POFUT2: variants seen among roughly 807,000 people sequenced by gnomAD.
The protein encoded by POFUT2 is protein O-fucosyltransferase 2.
Under a neutral mutation model 55.0 loss-of-function variants are expected in POFUT2, and 30 were observed. That is an observed-to-expected ratio of 0.55 (90% CI 0.41 to 0.74). The LOEUF (loss-of-function observed/expected upper bound fraction) is 0.74, where lower values mean the gene tolerates loss of function less well. Ranked by LOEUF, POFUT2 falls within the 30% of genes least tolerant of loss-of-function variation. The pLI is 0.00. For synonymous variants in POFUT2, 267 were observed against 231.1 expected (o/e 1.16, Z -1.41); for missense variants, 524 against 562.6 (o/e 0.93, Z 0.69).
In POFUT2 at chr21:45,265,646, T is replaced by A; in HGVS notation, c.1137-11A>T. On this transcript the variant is annotated splice_polypyrimidine_tract_variant and intron_variant, in intron 8 of 8. Transcript: ENST00000349485. The surrounding 1 kb of genome is among the most constrained non-coding windows in gnomAD (Gnocchi z 4.6). ...GTGCCAATAAAAAACCTGCAAAGGA[T>A]CACAGAGGTTCCAGAGTCAGGGAGA... 1.3e-6 allele frequency: 1 copy of A among 786,616 alleles called. No individual in the cohort carries two copies. Among genetic ancestry groups the A allele is most frequent in the Non-Finnish European group, 1.7e-6 (1 of 587,984 alleles). The allele number at this position is 786,616 out of a possible 1,614,324, so 48.7% of individuals were successfully genotyped here.
intron 6 of POFUT2, among the ~76,000 whole-genome samples, chr21:45,273,117 A>AAGAT (rs1379883716): frequency 6.6e-6 from 1 of 152,238 alleles, no homozygotes; most frequent in Non-Finnish European, 1.5e-5. Context: ...GTTCTCTGAA[A>AAGAT]AGATAAACAA....
rs558915818 is a variant in POFUT2 at position 45,270,731 on chromosome 21, C to T, written c.832-712G>A. Among the ~76,000 whole-genome samples the T allele has an allele frequency of 1.4e-4, 21 of 152,222 alleles. No homozygotes were observed. The highest frequency in any genetic ancestry group is 3.2e-3 in the Middle Eastern group (1 of 316). On this transcript the variant is annotated intron_variant, in intron 6 of 8. Transcript: ENST00000349485. The surrounding 1 kb of genome is among the most constrained non-coding windows in gnomAD (Gnocchi z 4.6). ...AGACGGATCACAGCACAGGACTCTC[C>T]GCAGACATTCCCCAGCAGCATCCCA...
At chr21:45,273,213 C>T (rs4819051) in intron 6 of POFUT2, among the ~76,000 whole-genome samples, 45,158 of 151,954 alleles carry the variant, frequency 0.3, 6,914 homozygotes, top group East Asian at 0.44. Flanking sequence ...ATATTACAGT[C>T]GATACCATAG....
Position 45,280,877 on chromosome 21 carries a change from G to A in POFUT2, c.638+1472C>T, listed in dbSNP as rs909485458. 9.2e-5 allele frequency among the ~76,000 whole-genome samples: 14 copies of A among 152,208 alleles called. 1 individual carries two copies. The highest frequency in any genetic ancestry group is 3.4e-4 in the African/African-American group (14 of 41,452). ...CCAGAGAGTCCTTAGTTTATCAAAT[G>A]TGCTGCAGGACCTCCCTCTCTGAGG... is the stretch of plus-strand genomic sequence containing the variant. On this transcript the variant is annotated intron_variant, in intron 4 of 8. Transcript: ENST00000349485.
At position 45,270,115 on chromosome 21, in the gene POFUT2, T is replaced by C. The variant is rs2093205942; in HGVS notation, c.832-96A>G. On this transcript the variant is annotated intron_variant, in intron 6 of 8. Coordinates refer to ENST00000349485, the MANE Select transcript of POFUT2 (RefSeq NM_133635.6). The surrounding 1 kb of genome is among the most constrained non-coding windows in gnomAD (Gnocchi z 4.6). ...GACTCGAGACGCAGAGGGATGACCC[T>C]TTCCATGTGGCCTCCTCCACGGGGT... The C allele has an allele frequency of 3.1e-6, 3 of 980,336 alleles. No homozygotes were observed. Among genetic ancestry groups the C allele is most frequent in the African/African-American group, 3.4e-5 (2 of 58,986 alleles). 60.7% of individuals were successfully genotyped at this position (980,336 alleles called of 1,614,324 possible).
chr21:45,275,185 A>G (rs2093251805), intron 6 of POFUT2, among the ~76,000 whole-genome samples: 1 of 152,226 alleles, frequency 6.6e-6, no homozygotes, highest in South Asian at 2.1e-4. Context: ...TAACTTCACT[A>G]ATGATCAGGG....
intron 4 of POFUT2, 33 bp from the exon 5 acceptor site, chr21:45,278,202 T>G (rs376097352): frequency 6.4e-7 from 1 of 1,555,532 alleles, no homozygotes; most frequent in South Asian, 1.1e-5. Context: ...TAAACAGTTA[T>G]AAGAGTTAAG....
chr21:45,266,725 C>T (rs1424365845), intron 8 of POFUT2: 2 of 999,054 alleles, frequency 2.0e-6, no homozygotes, highest in Non-Finnish European at 2.4e-6. Context: ...CAGAACACCA[C>T]AGGAAATAGC....
rs546253527 is a variant in POFUT2 at position 45,276,082 on chromosome 21, G to A, written c.831+935C>T. 8.7e-4 allele frequency among the ~76,000 whole-genome samples: 132 copies of A among 152,186 alleles called. 1 individual carries two copies. Among genetic ancestry groups the A allele is most frequent in the Middle Eastern group, 3.4e-3 (1 of 294 alleles). On this transcript the variant is annotated intron_variant, in intron 6 of 8. Coordinates refer to ENST00000349485, the MANE Select transcript of POFUT2 (RefSeq NM_133635.6). ...CACGCGCCTGTGATCCCAGCTACTC[G>A]GGAGGCTGAGGCAGGAGAATTGCTT...
intron 8 of POFUT2, chr21:45,266,086 C>T (rs532654103): frequency 1.3e-3 from 1,771 of 1,312,192 alleles, no homozygotes; most frequent in Non-Finnish European, 1.6e-3. Context: ...TCACGGAGGT[C>T]AAGGCCCCCT....
At chr21:45,279,395 A>G (rs2030294214) in intron 4 of POFUT2, among the ~76,000 whole-genome samples, 1 of 152,070 alleles carries the variant, frequency 6.6e-6, no homozygotes, top group African/African-American at 2.4e-5. Flanking sequence ...ACTCAGTCTC[A>G]AAAAAAATAC....
chr21:45,267,837 G>C lies in POFUT2; in HGVS notation c.1013-124C>G. The C allele has an allele frequency of 1.2e-6, 1 of 801,636 alleles. No homozygotes were observed. Among genetic ancestry groups the C allele is most frequent in the Non-Finnish European group, 2.1e-6 (1 of 483,738 alleles). 49.7% of individuals were successfully genotyped at this position (801,636 alleles called of 1,614,324 possible). On this transcript the variant is annotated intron_variant, in intron 7 of 8. Coordinates refer to ENST00000349485, the MANE Select transcript of POFUT2 (RefSeq NM_133635.6). This position sits in a 1 kb window ranked among gnomAD's most constrained non-coding sequence, Gnocchi z 4.4. ...AATTCGTTAGGAACTGGCTCCAAAG[G>C]TGCAGACACACAACTCAGCTTTACC...
At chr21:45,278,073 T>C (rs1046211292) in intron 5 of POFUT2, 30 bp downstream of exon 5, 7 of 1,575,984 alleles carry the variant, frequency 4.4e-6, no homozygotes, top group Non-Finnish European at 6.1e-6. Context: ...ATACACTAAC[T>C]GAGAAAAACG....
chr21:45,276,729 G>A (rs531135087), intron 6 of POFUT2, among the ~76,000 whole-genome samples: 2 of 152,214 alleles, frequency 1.3e-5, no homozygotes, highest in East Asian at 1.9e-4. Flanking sequence ...TGGCCTTGCC[G>A]CGCTCTGAGA....
In POFUT2 at chr21:45,264,587, C is replaced by T. The variant is rs1165491650; in HGVS notation, c.*895G>A. The T allele has an allele frequency of 6.6e-6, 1 of 152,234 alleles. No homozygotes were observed. Among genetic ancestry groups the T allele is most frequent in the Non-Finnish European group, 1.5e-5 (1 of 68,168 alleles). The allele number at this position is 152,234 out of a possible 1,614,324, so 9.4% of individuals were successfully genotyped here. A position where few individuals can be genotyped will look rare whatever the true frequency, so the allele number is the denominator to read the frequency against. Reference sequence around the variant, plus strand: ...TAACTGTCCTTCCTCATTTCTAGTTCTCAATAGCGAATGGCAGACCTGGAG... The same window carrying T: ...TAACTGTCCTTCCTCATTTCTAGTTTTCAATAGCGAATGGCAGACCTGGAG... On this transcript the variant is annotated 3_prime_UTR_variant, in exon 9 of 9. Coordinates refer to ENST00000349485, the MANE Select transcript of POFUT2 (RefSeq NM_133635.6).
At position 45,264,658 on chromosome 21, in the gene POFUT2, CCGGGCGAGGGCGGGGCAGT is replaced by C. The variant is rs2093138330; in HGVS notation, c.*805_*823del. ...CCGGGGCGAGGGCAGGGACGGCCAGCCGGGCGAGGGCGGGGCAGTCGGGGTGAGGGTGGGGCGGGGCAGT... is the reference window on the plus strand; with the variant it reads ...CCGGGGCGAGGGCAGGGACGGCCAGCCGGGGTGAGGGTGGGGCGGGGCAGT... On this transcript the variant is annotated 3_prime_UTR_variant, in exon 9 of 9. Transcript: ENST00000349485. 6.9e-6 allele frequency: 1 copy of C among 145,566 alleles called. No individual in the cohort carries two copies. Among genetic ancestry groups the C allele is most frequent in the South Asian group, 2.4e-4 (1 of 4,210 alleles). 9.0% of individuals were successfully genotyped at this position (145,566 alleles called of 1,614,324 possible). A position where few individuals can be genotyped will look rare whatever the true frequency, so the allele number is the denominator to read the frequency against.
At chr21:45,280,073 G>A (rs1008609182) in intron 4 of POFUT2, among the ~76,000 whole-genome samples, 11 of 152,294 alleles carry the variant, frequency 7.2e-5, no homozygotes, top group African/African-American at 2.6e-4. Context: ...CACGGGCGCG[G>A]GTAGAGGACA....
chr21:45,286,790 G>C (rs1464759861), intron 1 of POFUT2, among the ~76,000 whole-genome samples: 1 of 152,246 alleles, frequency 6.6e-6, no homozygotes, highest in Non-Finnish European at 1.5e-5. Flanking sequence ...CGCGAGTGAA[G>C]CTGCGTGCAG....
rs1355161838 is a variant in POFUT2, at chr21:45,264,959, C to T, written c.*523G>A. On this transcript the variant is annotated 3_prime_UTR_variant, in exon 9 of 9. Transcript: ENST00000349485. ...CGCATCCCAGGAGGAAACACACAGG[C>T]AGCCTCCTGCTGCGCGGAGGGCAAC... 1 of 152,710 alleles carries T rather than the reference C, an allele frequency of 6.5e-6. No homozygotes were observed. Among genetic ancestry groups the T allele is most frequent in the Non-Finnish European group, 1.5e-5 (1 of 68,422 alleles). 9.5% of individuals were successfully genotyped at this position (152,710 alleles called of 1,614,324 possible). A position where few individuals can be genotyped will look rare whatever the true frequency, so the allele number is the denominator to read the frequency against.
Sources: allele counts gnomAD v4.1 joint callset (sites outside exome capture counted in the v4.1 genomes callset), GRCh38; gene constraint gnomAD v4.1.1; non-coding constraint Gnocchi (gnomAD v3.1); transcripts MANE v1.5; gene names NCBI Gene and HGNC (gene_info 2026-07-23, HGNC 2026-07-21).